VSNL1: variants seen among roughly 807,000 people sequenced by gnomAD.
VSNL1 encodes visinin like 1.
In VSNL1, 6 loss-of-function variants were observed where a neutral mutation model predicts 20.4. The observed-to-expected ratio is 0.29, with a 90% CI of 0.16 to 0.58. The LOEUF (loss-of-function observed/expected upper bound fraction) is 0.58. VSNL1 is among the 20% of genes least tolerant of loss of function. VSNL1 has a pLI of 0.90. For missense variants in VSNL1, 100 were observed against 234.5 expected (o/e 0.43, Z 3.75); for synonymous variants, 93 against 86.4 (o/e 1.08, Z -0.42).
At chr2:17,642,893 A>G (rs1478581645) in intron 2 of VSNL1, among the ~76,000 whole-genome samples, 1 of 152,208 alleles carries the variant, frequency 6.6e-6, no homozygotes, top group Non-Finnish European at 1.5e-5. Flanking sequence ...CTTTTGTAAT[A>G]AAGACTGTAA....
chr2:17,551,156 G>T (rs76945743), intron 1 of VSNL1, among the ~76,000 whole-genome samples: 1 of 152,132 alleles, frequency 6.6e-6, no homozygotes, highest in Admixed American at 6.5e-5. Context: ...GACTCACAGA[G>T]TGCCAGATTA....
At chr2:17,585,574 GAC>G in intron 1 of VSNL1, among the ~76,000 whole-genome samples, 1 of 150,120 alleles carries the variant, frequency 6.7e-6, no homozygotes, top group South Asian at 2.1e-4. Context: ...TTGAGTGTTA[GAC>G]ACAGGGACAG....
intron 2 of VSNL1, among the ~76,000 whole-genome samples, chr2:17,601,866 G>A (rs1053642436): frequency 3.3e-5 from 5 of 152,110 alleles, no homozygotes; most frequent in African/African-American, 1.2e-4. Flanking sequence ...AACCCGGGAG[G>A]CAGAGGTTGC....
rs772052193 is a variant in VSNL1 at position 17,592,058 on chromosome 2, G to A, written c.-5-12G>A. 8.3e-5 allele frequency: 134 copies of A among 1,613,324 alleles called. No homozygotes were observed. In the East Asian group the frequency reaches 3.0e-3, roughly 36 times the overall value. ...GCCACAGCGCTAATTGAATTAATTTGCTTTTCTTCAGGCAGGATGGGGAAG... is the reference window on the plus strand; with the variant it reads ...GCCACAGCGCTAATTGAATTAATTTACTTTTCTTCAGGCAGGATGGGGAAG... On this transcript the variant is annotated splice_polypyrimidine_tract_variant and intron_variant, in intron 1 of 3. Coordinates refer to ENST00000295156, the MANE Select transcript of VSNL1 (RefSeq NM_003385.5).
Position 17,605,645 on chromosome 2 carries a change from C to T in VSNL1, c.162+13409C>T, listed in dbSNP as rs554553557. Reference sequence around the variant, plus strand: ...TAGGGGCATGTGCAGAGCCCCCTCTCAGGGCTGACCCAGAGGGACAGGATC... The same window carrying T: ...TAGGGGCATGTGCAGAGCCCCCTCTTAGGGCTGACCCAGAGGGACAGGATC... On this transcript the variant is annotated intron_variant, in intron 2 of 3. Coordinates refer to ENST00000295156, the MANE Select transcript of VSNL1 (RefSeq NM_003385.5). Among the ~76,000 whole-genome samples the T allele has an allele frequency of 3.9e-5, 6 of 152,342 alleles. No individual in the cohort carries two copies. In the East Asian group the frequency reaches 7.7e-4, roughly 20 times the overall value.
chr2:17,616,542 G>A (rs1046906685), intron 2 of VSNL1, among the ~76,000 whole-genome samples: 3 of 152,188 alleles, frequency 2.0e-5, no homozygotes, highest in African/African-American at 7.2e-5. Context: ...AATGGTAGGT[G>A]GTGTGAGCTG....
intron 1 of VSNL1, among the ~76,000 whole-genome samples, chr2:17,586,834 G>T (rs1240518926): frequency 1.3e-5 from 2 of 152,210 alleles, no homozygotes; most frequent in African/African-American, 4.8e-5. Context: ...ATGGAGTCTT[G>T]CAGCAGGAGT....
chr2:17,556,593 G>C (rs1018640762), intron 1 of VSNL1, among the ~76,000 whole-genome samples: 2 of 152,142 alleles, frequency 1.3e-5, no homozygotes, highest in Admixed American at 1.3e-4. Context: ...AGGACAGAGC[G>C]GGGGATAGGG....
chr2:17,650,030 A>T (rs1558312620), intron 3 of VSNL1, among the ~76,000 whole-genome samples: 1 of 152,184 alleles, frequency 6.6e-6, no homozygotes, highest in Non-Finnish European at 1.5e-5. Context: ...ATTCCACAGC[A>T]AGCAGGCTTT....
chr2:17,613,095 C>T (rs1665128945), intron 2 of VSNL1, among the ~76,000 whole-genome samples: 1 of 152,148 alleles, frequency 6.6e-6, no homozygotes, highest in Non-Finnish European at 1.5e-5. Flanking sequence ...CTGTTCCCAT[C>T]TTCCCCTCTC....
At chr2:17,542,938 T>TTAG (rs1663322211) in intron 1 of VSNL1, among the ~76,000 whole-genome samples, 1 of 152,194 alleles carries the variant, frequency 6.6e-6, no homozygotes, top group African/African-American at 2.4e-5. Context: ...GTCAATTAAC[T>TTAG]TCTAGTCTAT....
At chr2:17,606,570 G>T (rs531261651) in intron 2 of VSNL1, among the ~76,000 whole-genome samples, 20 of 152,288 alleles carry the variant, frequency 1.3e-4, no homozygotes, top group Non-Finnish European at 1.9e-4. Flanking sequence ...ATGACTGTGA[G>T]GTTGGAGAAG....
At chr2:17,584,990 C>T (rs1338033835) in intron 1 of VSNL1, among the ~76,000 whole-genome samples, 7 of 152,184 alleles carry the variant, frequency 4.6e-5, no homozygotes, top group Admixed American at 3.9e-4. Flanking sequence ...AAACAGAACT[C>T]TTGTTACTCG....
chr2:17,592,681 C>T (rs1478495549), intron 2 of VSNL1, among the ~76,000 whole-genome samples: 1 of 85,934 alleles, frequency 1.2e-5, no homozygotes, highest in Non-Finnish European at 2.0e-5. Context: ...TTTTTTTTTA[C>T]CAGAAAAGAT....
At chr2:17,567,493 G>C (rs1025464972) in intron 1 of VSNL1, 2 of 151,550 alleles carry the variant, frequency 1.3e-5, no homozygotes, top group East Asian at 3.9e-4. Flanking sequence ...GGAGTAGCTG[G>C]GACTACAGGC....
intron 2 of VSNL1, among the ~76,000 whole-genome samples, chr2:17,596,151 A>G (rs567420752): frequency 2.0e-5 from 3 of 152,266 alleles, no homozygotes; most frequent in Admixed American, 6.5e-5. Flanking sequence ...CTGTTGTCAC[A>G]TGCGTTCTCT....
intron 2 of VSNL1, among the ~76,000 whole-genome samples, chr2:17,633,577 A>G (rs1029885031): frequency 2.6e-5 from 4 of 152,052 alleles, no homozygotes; most frequent in African/African-American, 9.7e-5. Flanking sequence ...AGCAGAGGCC[A>G]CCTTCACCTA....
At chr2:17,568,472 A>G (rs372817514) in intron 1 of VSNL1, among the ~76,000 whole-genome samples, 1 of 152,294 alleles carries the variant, frequency 6.6e-6, no homozygotes, top group South Asian at 2.1e-4. Flanking sequence ...GGGTTTTGCT[A>G]TGTTGCCTAG....
chr2:17,652,897 G>C (rs1356093273), intron 3 of VSNL1, among the ~76,000 whole-genome samples: 2 of 152,152 alleles, frequency 1.3e-5, no homozygotes, highest in South Asian at 2.1e-4. Context: ...TGGTGAGTCA[G>C]CCCTGCTTGG....
Sources: allele counts gnomAD v4.1 joint callset (sites outside exome capture counted in the v4.1 genomes callset), GRCh38; gene constraint gnomAD v4.1.1; transcripts MANE v1.5; gene names NCBI Gene and HGNC (gene_info 2026-07-23, HGNC 2026-07-21).